Variants in ANXA4 observed in about 807,000 individuals in gnomAD.
The protein encoded by ANXA4 is annexin A4.
Under a neutral mutation model 49.8 loss-of-function variants are expected in ANXA4, and 39 were observed. That is an observed-to-expected ratio of 0.78 (90% CI 0.61 to 1.02). ANXA4 has a LOEUF of 1.02. Ranked by LOEUF, ANXA4 falls within the 50% of genes least tolerant of loss-of-function variation. The pLI, the probability that ANXA4 is intolerant of heterozygous loss-of-function variation, is 0.00. For synonymous variants in ANXA4, 134 were observed against 152.5 expected, an observed-to-expected ratio of 0.88 and a Z score of 0.89; for missense variants, 360 against 410.1, an observed-to-expected ratio of 0.88 and a Z score of 1.05.
intron 2 of ANXA4, among the ~76,000 whole-genome samples, chr2:69,685,347 A>G (rs908613944): frequency 2.0e-5 from 3 of 147,698 alleles, no homozygotes; most frequent in African/African-American, 7.3e-5. Flanking sequence ...TAGACATTTA[A>G]TAAAGTTTTT....
At chr2:69,768,453 G>T (rs1671580910) in intron 1 of ANXA4, among the ~76,000 whole-genome samples, 1 of 152,148 alleles carries the variant, frequency 6.6e-6, no homozygotes, top group Admixed American at 6.5e-5. Flanking sequence ...TTTACAGCAG[G>T]AAGTTCAACC....
At chr2:69,765,419 A>G (rs962030248) in intron 1 of ANXA4, among the ~76,000 whole-genome samples, 1 of 152,148 alleles carries the variant, frequency 6.6e-6, no homozygotes, top group Non-Finnish European at 1.5e-5. Flanking sequence ...TTTGAATAGT[A>G]GCCATTCTAA....
At chr2:69,692,357 A>G (rs61285631) in intron 2 of ANXA4, among the ~76,000 whole-genome samples, 20,718 of 152,230 alleles carry the variant, frequency 0.14, 2,052 homozygotes, top group East Asian at 0.37. Flanking sequence ...TGTCCATGAA[A>G]GATTCAATGC....
chr2:69,677,038 C>T (rs1201130546), intron 2 of ANXA4, among the ~76,000 whole-genome samples: 1 of 152,030 alleles, frequency 6.6e-6, no homozygotes, highest in Admixed American at 6.6e-5. Flanking sequence ...TGGTCTCAAA[C>T]TCCTTGGCCT....
chr2:69,734,309 A>T (rs528066637), intron 3 of ANXA4, among the ~76,000 whole-genome samples: 1 of 152,322 alleles, frequency 6.6e-6, no homozygotes, highest in African/African-American at 2.4e-5. Flanking sequence ...AGCTGACTCC[A>T]TCTTGCTTCT....
At chr2:69,774,337 C>T (rs1250524623) in intron 1 of ANXA4, among the ~76,000 whole-genome samples, 16 of 118,240 alleles carry the variant, frequency 1.4e-4, no homozygotes, top group Non-Finnish European at 1.9e-4. Flanking sequence ...GCCCCCCCCC[C>T]CCCTTTTTTT....
intron 2 of ANXA4, among the ~76,000 whole-genome samples, chr2:69,673,231 A>G (rs1401616853): frequency 6.6e-6 from 1 of 152,176 alleles, no homozygotes; most frequent in Non-Finnish European, 1.5e-5. Flanking sequence ...CACTGTTCAC[A>G]ATAGCAAAGA....
At chr2:69,806,963 C>T (rs943293044) in intron 5 of ANXA4, among the ~76,000 whole-genome samples, 1 of 152,080 alleles carries the variant, frequency 6.6e-6, no homozygotes, top group African/African-American at 2.4e-5. Flanking sequence ...ATCTATATAA[C>T]AAACCTGCAC....
At chr2:69,658,425 A>T (rs984573947) in intron 2 of ANXA4, among the ~76,000 whole-genome samples, 3 of 151,274 alleles carry the variant, frequency 2.0e-5, no homozygotes, top group Non-Finnish European at 4.4e-5. Flanking sequence ...AAAGCAAACA[A>T]TAGAAGCCGC....
chr2:69,779,696 T>C (rs1672117675), intron 1 of ANXA4, among the ~76,000 whole-genome samples: 1 of 152,246 alleles, frequency 6.6e-6, no homozygotes, highest in African/African-American at 2.4e-5. Flanking sequence ...TTCCACAGTA[T>C]TCCCATGACC....
upstream of ANXA4, among the ~76,000 whole-genome samples, chr2:69,739,081 G>A (rs746463646): frequency 6.6e-6 from 1 of 152,138 alleles, no homozygotes; most frequent in Non-Finnish European, 1.5e-5. Flanking sequence ...ATCCACCCTC[G>A]TGGAAGAGGG....
chr2:69,673,562 G>T (rs936696941), intron 2 of ANXA4, among the ~76,000 whole-genome samples: 1 of 151,848 alleles, frequency 6.6e-6, no homozygotes, highest in African/African-American at 2.4e-5. Context: ...TGTAGATGAC[G>T]GGTTGATGGG....
At chr2:69,802,926 A>G (rs1673277919) in intron 3 of ANXA4, among the ~76,000 whole-genome samples, 1 of 151,210 alleles carries the variant, frequency 6.6e-6, no homozygotes, top group East Asian at 2.0e-4. Context: ...GCTGGGCATG[A>G]TGGCTCATGC....
At chr2:69,819,880 C>T (rs991856173) in intron 11 of ANXA4, among the ~76,000 whole-genome samples, 1 of 151,892 alleles carries the variant, frequency 6.6e-6, no homozygotes, top group African/African-American at 2.4e-5. Flanking sequence ...CCAGCCTGGC[C>T]GTCATGGTGA....
At chr2:69,699,633 AAAAAC>A (rs1024008684) in intron 2 of ANXA4, among the ~76,000 whole-genome samples, 4 of 152,170 alleles carry the variant, frequency 2.6e-5, no homozygotes, top group Non-Finnish European at 5.9e-5. Context: ...CCCTGTCCCA[AAAAAC>A]AAAACAAAAC....
chr2:69,656,450 G>T (rs1286579995), intron 2 of ANXA4, among the ~76,000 whole-genome samples: 2 of 145,110 alleles, frequency 1.4e-5, no homozygotes, highest in Admixed American at 1.4e-4. Context: ...TATGATACTT[G>T]GTCATAACCG....
At chr2:69,813,335 G>A (rs906836346) in intron 8 of ANXA4, among the ~76,000 whole-genome samples, 1 of 150,654 alleles carries the variant, frequency 6.6e-6, no homozygotes, top group Non-Finnish European at 1.5e-5. Context: ...TGCAACCTCC[G>A]CCTCCTGGGT....
intron 1 of ANXA4, among the ~76,000 whole-genome samples, chr2:69,649,462 A>T (rs1043353360): frequency 6.6e-6 from 1 of 151,112 alleles, no homozygotes; most frequent in Non-Finnish European, 1.5e-5. Context: ...ATTTCATTGT[A>T]TATTCTCTAA....
intron 1 of ANXA4, among the ~76,000 whole-genome samples, chr2:69,770,508 C>T (rs1054738765): frequency 1.3e-5 from 2 of 152,134 alleles, no homozygotes; most frequent in Non-Finnish European, 2.9e-5. Context: ...GCTGGCAGGT[C>T]CCTTCATAAT....
Sources: gnomAD v4.1 joint callset for allele counts (sites outside exome capture counted in the v4.1 genomes callset) on GRCh38, gnomAD v4.1.1 for gene constraint, MANE v1.5 for transcripts, NCBI Gene and HGNC (gene_info 2026-07-23, HGNC 2026-07-21) for gene names.